The following CDH23 variants were observed in gnomAD, a reference collection of about 807,000 sequenced individuals.
The protein encoded by CDH23 is cadherin-23.
Under a neutral mutation model 317.1 loss-of-function variants are expected in CDH23, and 189 were observed. That is an observed-to-expected ratio of 0.60 (90% CI 0.53 to 0.67). The LOEUF (loss-of-function observed/expected upper bound fraction) is 0.67, where lower values mean the gene tolerates loss of function less well. CDH23 is among the 30% of genes least tolerant of loss of function. The pLI is 0.00. For missense variants in CDH23, 4,401 were observed against 4,592.4 expected, an observed-to-expected ratio of 0.96 and a Z score of 1.20; for synonymous variants, 1,839 against 1,876.8, an observed-to-expected ratio of 0.98 and a Z score of 0.52.
chr10:71,402,571 CA>C (rs1477992028), intron 1 of CDH23, among the ~76,000 whole-genome samples: 1 of 152,208 alleles, frequency 6.6e-6, no homozygotes, highest in Non-Finnish European at 1.5e-5. Context: ...AGTATACATG[CA>C]AAATGTAGTA....
intron 25 of CDH23, among the ~76,000 whole-genome samples, 197 bp from the exon 26 acceptor site, chr10:71,706,700 G>C (rs549464135): frequency 6.6e-6 from 1 of 152,334 alleles, no homozygotes; most frequent in Admixed American, 6.5e-5. Flanking sequence ...GAGCACTGGT[G>C]GGCCTGGTCC....
intron 11 of CDH23, among the ~76,000 whole-genome samples, chr10:71,633,832 C>T (rs1173277073): frequency 6.6e-6 from 1 of 152,200 alleles, no homozygotes; most frequent in African/African-American, 2.4e-5. Context: ...CATCTCCTGT[C>T]CCCTCCACTC....
chr10:71,561,304 C>T (rs1857119440), intron 6 of CDH23, among the ~76,000 whole-genome samples: 2 of 151,870 alleles, frequency 1.3e-5, no homozygotes, highest in Non-Finnish European at 2.9e-5. Flanking sequence ...TTCTCCTTGC[C>T]CCTCCTCCCT....
At chr10:71,755,391 A>G (rs1840111405) in intron 38 of CDH23, 1 of 1,613,140 alleles carries the variant, frequency 6.2e-7, no homozygotes. Context: ...TTGCTTGTAG[A>G]CCAGGAGCAG....
intron 11 of CDH23, among the ~76,000 whole-genome samples, chr10:71,623,171 G>A (rs904439209): frequency 1.3e-5 from 2 of 152,176 alleles, no homozygotes; most frequent in African/African-American, 4.8e-5. Context: ...TAAACAGGGT[G>A]AGTGAGTGAC....
chr10:71,784,815 G>A (rs1260582661), intron 42 of CDH23, 76 bp from the exon 43 acceptor site: 22 of 1,233,208 alleles, frequency 1.8e-5, no homozygotes, highest in South Asian at 1.5e-4. Flanking sequence ...CGCCCTTGGC[G>A]AACCTCCTCC....
chr10:71,806,134 G>T, intron 56 of CDH23, 34 bp from the exon 57 acceptor site: 1 of 1,543,810 alleles, frequency 6.5e-7, no homozygotes, highest in South Asian at 1.2e-5. Flanking sequence ...CCCTCTCCCA[G>T]TCTTTTCCTC....
At chr10:71,605,116 C>G (rs893046928) in intron 9 of CDH23, among the ~76,000 whole-genome samples, 1 of 152,118 alleles carries the variant, frequency 6.6e-6, no homozygotes, top group African/African-American at 2.4e-5. Context: ...ATATGAATAA[C>G]GTAAAATTTA....
chr10:71,611,899 TA>T (rs1282689765), intron 9 of CDH23, among the ~76,000 whole-genome samples: 2 of 152,166 alleles, frequency 1.3e-5, no homozygotes, highest in African/African-American at 2.4e-5. Context: ...TTGCGCATAG[TA>T]GGTGCTCAAT....
chr10:71,777,705 T>C lies in CDH23; in HGVS notation c.4871T>C (p.Ile1624Thr), dbSNP rs1251758711. The C allele has an allele frequency of 2.5e-6, 4 of 1,612,916 alleles. No homozygotes were observed. Among genetic ancestry groups the C allele is most frequent in the Non-Finnish European group, 1.7e-6 (2 of 1,179,468 alleles). The change falls in exon 39 of 70, where the codon ATT (isoleucine) becomes ACT (threonine). Residue 1624 changes from isoleucine to threonine, a missense_variant. By Grantham distance (89) the Ile-to-Thr change is moderately conservative. This residue lies in a region of CDH23 where 3,068 missense variants were observed against 3,203.3 expected (regional missense o/e 0.96). Transcript: ENST00000224721. ...LSATTHVYVTIVDENDNAPMF... is the reference protein window; with the variant it reads ...LSATTHVYVTTVDENDNAPMF... Reference sequence around the variant, plus strand: ...GCCACCACGCACGTGTACGTGACCATTGTGGATGAGAATGATAACGCGCCC... The same window carrying C: ...GCCACCACGCACGTGTACGTGACCACTGTGGATGAGAATGATAACGCGCCC...
chr10:71,682,516 A>G lies in CDH23; in HGVS notation c.1930A>G (p.Met644Val). Residue 644 changes from methionine to valine, a missense_variant, in exon 18 of 70, where the codon ATG becomes GTG. Physicochemically the swap from Met to Val is conservative, Grantham distance 21. Around this residue, in one of 3 missense-constraint regions of CDH23, gnomAD observed 3,068 missense variants for 3,203.3 expected, o/e 0.96. Coordinates refer to ENST00000224721, the MANE Select transcript of CDH23 (RefSeq NM_022124.6). Reference protein sequence around the residue: ...NGLIYLTVMAMDAGNPPLNST... With the variant: ...NGLIYLTVMAVDAGNPPLNST... ...GCTGATTTATCTGACGGTCATGGCCATGGATGCTGGCAACCCCCCTCTCAA... is the reference window on the plus strand; with the variant it reads ...GCTGATTTATCTGACGGTCATGGCCGTGGATGCTGGCAACCCCCCTCTCAA... The G allele has an allele frequency of 1.4e-5, 22 of 1,613,686 alleles. No individual in the cohort carries two copies. Among genetic ancestry groups the G allele is most frequent in the Non-Finnish European group, 1.9e-5 (22 of 1,179,778 alleles).
intron 6 of CDH23, among the ~76,000 whole-genome samples, chr10:71,556,237 G>A (rs1856868782): frequency 6.6e-6 from 1 of 152,114 alleles, no homozygotes. Flanking sequence ...GTGATTTGGG[G>A]GGAAATGAGA....
Position 71,782,654 on chromosome 10 carries a change from AGGGAGT to A in CDH23, c.5369-1630_5369-1625del, listed in dbSNP as rs1290751053. Among the ~76,000 whole-genome samples the A allele has an allele frequency of 5.9e-5, 9 of 152,328 alleles. No individual in the cohort carries two copies. The South Asian group carries it at 1.9e-3, about 32-fold the overall frequency. ...TCAGGCCTGCCTCCCTGAGCCTTCAAGGGAGTGGTGCTGGTGTCTCCTCCTGGCTTT... is the reference window on the plus strand; with the variant it reads ...TCAGGCCTGCCTCCCTGAGCCTTCAAGGTGCTGGTGTCTCCTCCTGGCTTT... On this transcript the variant is annotated intron_variant, in intron 41 of 69. Coordinates refer to ENST00000224721, the MANE Select transcript of CDH23 (RefSeq NM_022124.6).
At chr10:71,563,791 C>T (rs1041320363) in intron 6 of CDH23, among the ~76,000 whole-genome samples, 1 of 150,890 alleles carries the variant, frequency 6.6e-6, no homozygotes, top group Non-Finnish European at 1.5e-5. Flanking sequence ...CTCTGTCACC[C>T]AGGCTGGAGT....
Position 71,455,118 on chromosome 10 carries a change from A to G in CDH23, c.145+8723A>G, listed in dbSNP as rs1850629268. Among the ~76,000 whole-genome samples the G allele has an allele frequency of 3.3e-5, 5 of 152,318 alleles. No individual in the cohort carries two copies. The South Asian group carries it at 1.0e-3, about 32-fold the overall frequency. On this transcript the variant is annotated intron_variant, in intron 3 of 69. Coordinates refer to ENST00000224721, the MANE Select transcript of CDH23 (RefSeq NM_022124.6). Reference sequence around the variant, plus strand: ...TGGCCTCCCAAAGCACTGAGATTACAGGCATGAGCCACTGCACCTGGCCCC... The same window carrying G: ...TGGCCTCCCAAAGCACTGAGATTACGGGCATGAGCCACTGCACCTGGCCCC...
chr10:71,416,932 T>G (rs1848558612), intron 1 of CDH23, among the ~76,000 whole-genome samples: 1 of 152,224 alleles, frequency 6.6e-6, no homozygotes, highest in Non-Finnish European at 1.5e-5. Flanking sequence ...TTTCAAAAAG[T>G]CACCTATAAG....
At chr10:71,498,473 T>C (rs1019517424) in intron 3 of CDH23, among the ~76,000 whole-genome samples, 1 of 152,156 alleles carries the variant, frequency 6.6e-6, no homozygotes, top group African/African-American at 2.4e-5. Flanking sequence ...CCAGGAGAAG[T>C]GTGCAGTGTG....
At chr10:71,639,153 G>A (rs567867639) in intron 11 of CDH23, among the ~76,000 whole-genome samples, 2 of 152,352 alleles carry the variant, frequency 1.3e-5, no homozygotes, top group East Asian at 3.9e-4. Context: ...CGGGACCCGC[G>A]GTGGGCGCTA....
At chr10:71,759,535 C>T (rs994064519) in intron 38 of CDH23, among the ~76,000 whole-genome samples, 4 of 151,404 alleles carry the variant, frequency 2.6e-5, no homozygotes, top group Non-Finnish European at 5.9e-5. Context: ...TGAGGCCAGG[C>T]GTGGTGACTC....
Sources: gnomAD v4.1 joint callset for allele counts (sites outside exome capture counted in the v4.1 genomes callset) on GRCh38, gnomAD v4.1.1 for gene constraint, gnomAD v4.1.1 regional missense constraint, MANE v1.5 for transcripts, NCBI Gene and HGNC (gene_info 2026-07-23, HGNC 2026-07-21) for gene names.